The following DIS3L2 variants were observed in gnomAD, a reference collection of about 807,000 sequenced individuals.
DIS3L2 encodes DIS3-like exonuclease 2.
In DIS3L2, 34 loss-of-function variants were observed where a neutral mutation model predicts 97.5. That is an observed-to-expected ratio of 0.35 (90% CI 0.27 to 0.46). The LOEUF is 0.46. DIS3L2 is among the 20% of genes least tolerant of loss of function. The pLI is 1.00. For synonymous variants in DIS3L2, 435 were observed against 445.2 expected (o/e 0.98, Z 0.29); for missense variants, 1,038 against 1,146.0 (o/e 0.91, Z 1.36).
At chr2:232,182,327 A>G (rs1360016184) in intron 9 of DIS3L2, among the ~76,000 whole-genome samples, 1 of 152,106 alleles carries the variant, frequency 6.6e-6, no homozygotes, top group East Asian at 1.9e-4. Context: ...TTGTATATTT[A>G]TTGAAACTTG....
intron 9 of DIS3L2, among the ~76,000 whole-genome samples, chr2:232,176,136 C>T (rs1463104030): frequency 6.6e-6 from 1 of 152,220 alleles, no homozygotes; most frequent in Non-Finnish European, 1.5e-5. Flanking sequence ...ACTGATCCAC[C>T]CACCTTGGCC....
intron 10 of DIS3L2, among the ~76,000 whole-genome samples, chr2:232,222,854 G>A (rs1365063736): frequency 6.6e-6 from 1 of 152,218 alleles, no homozygotes; most frequent in Non-Finnish European, 1.5e-5. Context: ...TAACTGAATA[G>A]TCATGCGAGG....
chr2:232,086,634 T>TATATAGATGTGTATATATATATATACAC (rs1696642307), intron 5 of DIS3L2, among the ~76,000 whole-genome samples: 1 of 63,790 alleles, frequency 1.6e-5, no homozygotes. Flanking sequence ...TATATACACA[T>TATATAGATGTGTATATATATATATACAC]ATATATATAT....
intron 5 of DIS3L2, among the ~76,000 whole-genome samples, chr2:232,053,189 C>T (rs1453867): frequency 0.56 from 85,766 of 152,220 alleles, 25,537 homozygotes; most frequent in East Asian, 0.69. Context: ...AATTCTTGAA[C>T]TTGAGTTTTT....
intron 9 of DIS3L2, among the ~76,000 whole-genome samples, chr2:232,173,486 C>T (rs1258807114): frequency 6.6e-6 from 1 of 152,170 alleles, no homozygotes; most frequent in African/African-American, 2.4e-5. Flanking sequence ...CCAGCCTCAG[C>T]CTCCCAAAGT....
chr2:232,212,922 G>A (rs1343732651), intron 10 of DIS3L2, among the ~76,000 whole-genome samples: 2 of 152,196 alleles, frequency 1.3e-5, no homozygotes, highest in Admixed American at 1.3e-4. Context: ...ATGACTGGGA[G>A]ATGGAACCCA....
At chr2:232,329,785 T>TGCCCGGGGGGGGGGCCCC in intron 14 of DIS3L2, 28 bp from the exon 15 acceptor site, 45 of 967,110 alleles carry the variant, frequency 4.7e-5, no homozygotes, top group South Asian at 6.2e-5. Flanking sequence ...ACCCCAGCGG[T>TGCCCGGGGGGGGGGCCCC]CCCTCCCATC....
intron 9 of DIS3L2, among the ~76,000 whole-genome samples, chr2:232,189,311 C>T (rs957006168): frequency 1.3e-5 from 2 of 152,184 alleles, no homozygotes; most frequent in African/African-American, 4.8e-5. Context: ...AGCCCAAATA[C>T]TAGAAACAGC....
At chr2:232,329,772 C>G (rs753084213) in intron 14 of DIS3L2, 41 bp from the exon 15 acceptor site, 4 of 1,439,014 alleles carry the variant, frequency 2.8e-6, no homozygotes, top group East Asian at 2.6e-5. Context: ...CACCTGTCCC[C>G]AAACCCCAGC....
At chr2:232,090,454 G>A (rs1696804418) in intron 6 of DIS3L2, among the ~76,000 whole-genome samples, 1 of 152,044 alleles carries the variant, frequency 6.6e-6, no homozygotes, top group African/African-American at 2.4e-5. Flanking sequence ...GAAACCACAT[G>A]GCTGTTTCTC....
intron 5 of DIS3L2, among the ~76,000 whole-genome samples, chr2:232,058,145 T>C (rs367556405): frequency 2.0e-5 from 3 of 152,242 alleles, no homozygotes; most frequent in African/African-American, 4.8e-5. Flanking sequence ...CTTGCTCTCA[T>C]TGACATGTCA....
rs1554295 is a variant in DIS3L2, at chr2:232,318,472, G to T, written c.1740-11341G>T. Reference sequence around the variant, plus strand: ...GCACTGAGCACAAGAGAAGGGCCCAGTTCCTTCCCTTGAAGCCCACAGCCC... The same window carrying T: ...GCACTGAGCACAAGAGAAGGGCCCATTTCCTTCCCTTGAAGCCCACAGCCC... On this transcript the variant is annotated intron_variant, in intron 14 of 20. Coordinates refer to ENST00000325385, the MANE Select transcript of DIS3L2 (RefSeq NM_152383.5). 3.2e-4 allele frequency among the ~76,000 whole-genome samples: 48 copies of T among 152,312 alleles called. No homozygotes were observed. The South Asian group carries it at 9.9e-3, about 32-fold the overall frequency.
intron 5 of DIS3L2, among the ~76,000 whole-genome samples, chr2:232,075,594 T>C (rs1696163591): frequency 6.6e-6 from 1 of 152,168 alleles, no homozygotes; most frequent in Admixed American, 6.5e-5. Flanking sequence ...ACTTCTAGTC[T>C]CCAGACCTAC....
chr2:232,059,230 A>G (rs1042115221), intron 5 of DIS3L2, among the ~76,000 whole-genome samples: 1 of 152,170 alleles, frequency 6.6e-6, no homozygotes, highest in Non-Finnish European at 1.5e-5. Context: ...CTTACATTGA[A>G]CTCATTTTTT....
At chr2:232,259,350 C>T (rs1465435150) in intron 12 of DIS3L2, among the ~76,000 whole-genome samples, 1 of 151,850 alleles carries the variant, frequency 6.6e-6, no homozygotes, top group Non-Finnish European at 1.5e-5. Context: ...CCAGCATAGG[C>T]GGTGAGCAGG....
intron 1 of DIS3L2, among the ~76,000 whole-genome samples, chr2:231,994,527 G>GAAC (rs1359124290): frequency 6.6e-6 from 1 of 152,016 alleles, no homozygotes; most frequent in Non-Finnish European, 1.5e-5. Context: ...ACTTTAGGTG[G>GAAC]AACATAGGAA....
intron 10 of DIS3L2, among the ~76,000 whole-genome samples, chr2:232,221,160 G>A (rs1692496826): frequency 6.6e-6 from 1 of 151,978 alleles, no homozygotes; most frequent in Non-Finnish European, 1.5e-5. Context: ...ATGTAGTTGG[G>A]AGGTTAAATT....
intron 5 of DIS3L2, among the ~76,000 whole-genome samples, chr2:232,048,775 T>C (rs1695317289): frequency 6.6e-6 from 1 of 152,042 alleles, no homozygotes; most frequent in South Asian, 2.1e-4. Context: ...TGTTTGTTGC[T>C]GTTGTTGAAG....
At chr2:232,120,855 G>A (rs1697880082) in intron 6 of DIS3L2, among the ~76,000 whole-genome samples, 1 of 151,972 alleles carries the variant, frequency 6.6e-6, no homozygotes, top group Admixed American at 6.6e-5. Flanking sequence ...TCCTTCTGCT[G>A]GAGTTAACCC....
Sources: gnomAD v4.1 joint callset for allele counts (sites outside exome capture counted in the v4.1 genomes callset) on GRCh38, gnomAD v4.1.1 for gene constraint, MANE v1.5 for transcripts, NCBI Gene and HGNC (gene_info 2026-07-23, HGNC 2026-07-21) for gene names.